ZNF324B: variants seen among roughly 807,000 people sequenced by gnomAD.
ZNF324B encodes the protein zinc finger protein 324B.
In ZNF324B, 7 loss-of-function variants were observed where a neutral mutation model predicts 10.6. The observed-to-expected ratio is 0.66, with a 90% CI of 0.38 to 1.24. ZNF324B has a LOEUF of 1.24. Among genes scored for constraint, ZNF324B ranks in the 50% most tolerant of loss-of-function variants. ZNF324B has a pLI of 0.02. For synonymous variants in ZNF324B, 316 were observed against 321.0 expected (o/e 0.98, Z 0.17); for missense variants, 640 against 764.7 (o/e 0.84, Z 1.92).
At chr19:58,437,181 G>T in the ZNF324B span, 1 of 1,611,158 alleles carries the variant, frequency 6.2e-7, no homozygotes, top group African/African-American at 1.3e-5. Context: ...GCTCTTCAAT[G>T]TGGGGACAGC....
upstream of ZNF324B, among the ~76,000 whole-genome samples, chr19:58,448,014 C>T (rs1377378093): frequency 6.6e-6 from 1 of 152,222 alleles, no homozygotes; most frequent in Non-Finnish European, 1.5e-5. Flanking sequence ...AACTGTGAGT[C>T]CATTAAACCT....
Position 58,455,814 on chromosome 19 carries a change from C to T in ZNF324B, c.870C>T (p.Cys290=). 6 of 1,614,110 alleles carry T rather than the reference C, an allele frequency of 3.7e-6. No individual in the cohort carries two copies. Among genetic ancestry groups the T allele is most frequent in the Non-Finnish European group, 5.1e-6 (6 of 1,180,008 alleles). Reference sequence around the variant, plus strand: ...AGCGGCCCTACGAGTGCACCCAGTGCGGCAAGGCCTTCAGCCAGACGTCGC... The same window carrying T: ...AGCGGCCCTACGAGTGCACCCAGTGTGGCAAGGCCTTCAGCCAGACGTCGC... ...TGERPYECTQ[C]GKAFSQTSHL... Residue 290 remains cysteine, a synonymous_variant, in exon 4 of 4, where the codon TGC becomes TGT. Coordinates refer to ENST00000336614, the MANE Select transcript of ZNF324B (RefSeq NM_207395.3). The surrounding 1 kb of genome is among the most constrained non-coding windows in gnomAD (Gnocchi z 7.0).
In ZNF324B at chr19:58,455,812, T is replaced by C; in HGVS notation, c.868T>C (p.Cys290Arg). The change falls in exon 4 of 4, where the codon TGC (cysteine) becomes CGC (arginine). Residue 290 changes from cysteine (C) to arginine (R), a missense_variant. This residue lies in a region of ZNF324B where 345 missense variants were observed against 387.9 expected (regional missense o/e 0.89). Transcript: ENST00000336614. This position sits in a 1 kb window ranked among gnomAD's most constrained non-coding sequence, Gnocchi z 7.0. ...GGAGCGGCCCTACGAGTGCACCCAGTGCGGCAAGGCCTTCAGCCAGACGTC... is the reference window on the plus strand; with the variant it reads ...GGAGCGGCCCTACGAGTGCACCCAGCGCGGCAAGGCCTTCAGCCAGACGTC... Reference protein sequence around the residue: ...TGERPYECTQCGKAFSQTSHL... With the variant: ...TGERPYECTQRGKAFSQTSHL... 1 of 1,614,088 alleles carries C rather than the reference T, an allele frequency of 6.2e-7. No individual in the cohort carries two copies. The highest frequency in any genetic ancestry group is 1.3e-5 in the African/African-American group (1 of 75,058).
upstream of ZNF324B, among the ~76,000 whole-genome samples, chr19:58,449,945 C>T (rs1005187496): frequency 5.3e-5 from 8 of 151,952 alleles, no homozygotes; most frequent in Non-Finnish European, 8.8e-5. Flanking sequence ...TTGGGAGGGG[C>T]GAGGAACAGA....
chr19:58,427,428 TTCC>T, the ZNF324B span, among the ~76,000 whole-genome samples: 1,944 of 45,188 alleles, frequency 0.043, 47 homozygotes, highest in Non-Finnish European at 0.05. Context: ...CCTTCCTTCC[TTCC>T]TTCCTTCCTT....
chr19:58,422,366 G>A, the ZNF324B span, among the ~76,000 whole-genome samples: 1 of 152,158 alleles, frequency 6.6e-6, no homozygotes, highest in Admixed American at 6.5e-5. Flanking sequence ...ACAAGACAAA[G>A]ATGCCCACTT....
At chr19:58,439,520 T>C in the ZNF324B span, among the ~76,000 whole-genome samples, 1 of 152,218 alleles carries the variant, frequency 6.6e-6, no homozygotes, top group Non-Finnish European at 1.5e-5. Flanking sequence ...TCACTGTCCC[T>C]GGGACAGCCT....
chr19:58,424,249 CAAAA>C, the ZNF324B span, among the ~76,000 whole-genome samples: 3 of 151,776 alleles, frequency 2.0e-5, no homozygotes, highest in Non-Finnish European at 2.9e-5. Flanking sequence ...AACTCAGTCT[CAAAA>C]GAACAAAATA....
chr19:58,421,431 C>T, the ZNF324B span, among the ~76,000 whole-genome samples: 10 of 152,088 alleles, frequency 6.6e-5, no homozygotes, highest in African/African-American at 2.2e-4. Context: ...CGGAGTCTCC[C>T]CGTCACCCAG....
chr19:58,435,086 C>T, the ZNF324B span: 33 of 1,614,008 alleles, frequency 2.0e-5, no homozygotes, highest in East Asian at 2.2e-4. Context: ...AAGAATGGCC[C>T]ACACATGTCA....
chr19:58,429,849 C>T, the ZNF324B span: 1 of 152,238 alleles, frequency 6.6e-6, no homozygotes, highest in African/African-American at 2.4e-5. Context: ...GAGACTGATA[C>T]ATATCATGAG....
chr19:58,456,720 G>C lies in ZNF324B; in HGVS notation c.*141G>C. ...GGACGAGGGAGACCCTTTGGCTGTG[G>C]TTCCATTTGCAGGTGGGGACAGGAT... is the stretch of plus-strand genomic sequence containing the variant. On this transcript the variant is annotated 3_prime_UTR_variant, in exon 4 of 4. Transcript: ENST00000336614. The surrounding 1 kb of genome is among the most constrained non-coding windows in gnomAD (Gnocchi z 4.7). 2.7e-6 allele frequency: 3 copies of C among 1,119,880 alleles called. No homozygotes were observed. The highest frequency in any genetic ancestry group is 3.7e-6 in the Non-Finnish European group (3 of 806,234). The allele number at this position is 1,119,880 out of a possible 1,614,324, so 69.4% of individuals were successfully genotyped here. A position where few individuals can be genotyped will look rare whatever the true frequency, so the allele number is the denominator to read the frequency against.
At chr19:58,451,976 G>C (rs536819597) in intron 1 of ZNF324B, among the ~76,000 whole-genome samples, 1 of 152,340 alleles carries the variant, frequency 6.6e-6, no homozygotes, top group African/African-American at 2.4e-5. Context: ...CGGCGGTGGC[G>C]CTGACAAGCC....
rs1377372136 is a variant in ZNF324B at position 58,453,236 on chromosome 19, T to C, written c.-6-460T>C. The C allele has an allele frequency of 4.2e-5, 9 of 214,654 alleles. No individual in the cohort carries two copies. The South Asian group carries it at 4.6e-4, about 11-fold the overall frequency. The allele number at this position is 214,654 out of a possible 1,614,324, so 13.3% of individuals were successfully genotyped here. ...CGACTGGTGGGGATCATCCAGTCCCTCAGGCTGGATGAGCAGCCTGGAAAT... is the reference window on the plus strand; with the variant it reads ...CGACTGGTGGGGATCATCCAGTCCCCCAGGCTGGATGAGCAGCCTGGAAAT... On this transcript the variant is annotated intron_variant, in intron 1 of 3. Coordinates refer to ENST00000336614, the MANE Select transcript of ZNF324B (RefSeq NM_207395.3).
the ZNF324B span, chr19:58,434,270 G>A: frequency 4.0e-5 from 64 of 1,614,002 alleles, no homozygotes; most frequent in Middle Eastern, 1.6e-4. Context: ...TTCTGATGCC[G>A]AAGGAAATTG....
intron 1 of ZNF324B, among the ~76,000 whole-genome samples, chr19:58,451,911 T>A (rs1271721920): frequency 2.0e-5 from 3 of 152,202 alleles, no homozygotes; most frequent in Non-Finnish European, 4.4e-5. Context: ...CTGGCGGGGA[T>A]GGCGGTCCCG....
At chr19:58,436,187 G>A in the ZNF324B span, 6 of 154,058 alleles carry the variant, frequency 3.9e-5, no homozygotes, top group Non-Finnish European at 7.3e-5. Context: ...AGGGATAAGG[G>A]AACATGGGGA....
chr19:58,454,905 G>A, intron 3 of ZNF324B: 1 of 598,802 alleles, frequency 1.7e-6, no homozygotes, highest in Non-Finnish European at 3.0e-6. Context: ...GTGGAGACGT[G>A]GGTGGCACGC....
chr19:58,429,035 A>T, the ZNF324B span: 1 of 152,168 alleles, frequency 6.6e-6, no homozygotes, highest in Admixed American at 6.5e-5. Context: ...CCCACAGGTG[A>T]CCCTTGGTGT....
Sources: gnomAD v4.1 joint callset for allele counts (sites outside exome capture counted in the v4.1 genomes callset) on GRCh38, gnomAD v4.1.1 for gene constraint, gnomAD v4.1.1 regional missense constraint, Gnocchi (gnomAD v3.1) non-coding constraint, MANE v1.5 for transcripts, NCBI Gene and HGNC (gene_info 2026-07-23, HGNC 2026-07-21) for gene names.